The following ZNF626 variants were observed in gnomAD, a reference collection of about 807,000 sequenced individuals.
ZNF626 encodes the protein CTC-513N18.7.
ZNF626 carries 4 observed loss-of-function variants against 11.7 expected under a neutral mutation model. The ratio of observed to expected loss-of-function variants is 0.34; its 90% CI spans 0.17 to 0.78. ZNF626 has a LOEUF of 0.78. ZNF626 is among the 30% of genes least tolerant of loss of function. The pLI is 0.57. For missense variants in ZNF626, 588 were observed against 587.1 expected, an observed-to-expected ratio of 1.00 and a Z score of -0.01; for synonymous variants, 179 against 198.6, an observed-to-expected ratio of 0.90 and a Z score of 0.83.
rs1969790734 is a variant in ZNF626 at position 20,624,188 on chromosome 19, G to T, written c.*102C>A. ...TTGCCACATTCTTCACATCTGTAGG[G>T]TTTTTTTCCAGTATGAATTTTCTTA... is the stretch of plus-strand genomic sequence containing the variant. On this transcript the variant is annotated 3_prime_UTR_variant, in exon 4 of 4. Transcript: ENST00000601440. The T allele has an allele frequency of 1.3e-6, 2 of 1,580,718 alleles. No homozygotes were observed. Among genetic ancestry groups the T allele is most frequent in the Non-Finnish European group, 1.7e-6 (2 of 1,151,306 alleles).
At chr19:20,632,934 TG>T (rs1252010265) in intron 3 of ZNF626, among the ~76,000 whole-genome samples, 2 of 152,194 alleles carry the variant, frequency 1.3e-5, no homozygotes, top group Admixed American at 1.3e-4. Context: ...CTTTGGTCTT[TG>T]ATGATGGTGA....
At chr19:20,654,089 G>A (rs1970178011) in intron 1 of ZNF626, among the ~76,000 whole-genome samples, 1 of 152,168 alleles carries the variant, frequency 6.6e-6, no homozygotes, top group South Asian at 2.1e-4. Flanking sequence ...AAATATCTAA[G>A]TATGAACAAT....
chr19:20,646,512 G>A, intron 1 of ZNF626, 107 bp from the exon 2 acceptor site: 1 of 1,564,018 alleles, frequency 6.4e-7, no homozygotes, highest in Non-Finnish European at 8.6e-7. Flanking sequence ...TGACTTATAG[G>A]ACTGACTAAA....
At chr19:20,658,469 C>T (rs1970229382) in intron 1 of ZNF626, among the ~76,000 whole-genome samples, 1 of 152,114 alleles carries the variant, frequency 6.6e-6, no homozygotes, top group Non-Finnish European at 1.5e-5. Context: ...GGGTGGGAAT[C>T]CTGTGGTGGC....
chr19:20,654,165 G>A (rs941701778), intron 1 of ZNF626, among the ~76,000 whole-genome samples: 2 of 152,162 alleles, frequency 1.3e-5, no homozygotes, highest in Non-Finnish European at 2.9e-5. Context: ...GTTAGGCTGG[G>A]CGCAGTGGCT....
At chr19:20,640,774 G>A (rs556846586) in intron 3 of ZNF626, among the ~76,000 whole-genome samples, 79 of 152,004 alleles carry the variant, frequency 5.2e-4, no homozygotes, top group African/African-American at 1.8e-3. Context: ...AACCTAAGTT[G>A]AATGTTGGTG....
chr19:20,631,877 C>T (rs1969909813), intron 3 of ZNF626, among the ~76,000 whole-genome samples: 1 of 151,714 alleles, frequency 6.6e-6, no homozygotes. Context: ...CAGTTTCTTC[C>T]TAGTCTCAAT....
At chr19:20,644,105 T>C (rs1743503690) in intron 3 of ZNF626, among the ~76,000 whole-genome samples, 1 of 152,208 alleles carries the variant, frequency 6.6e-6, no homozygotes, top group Admixed American at 6.5e-5. Flanking sequence ...TTTACAGCCA[T>C]GTAGGCAGGC....
chr19:20,645,296 G>T, intron 3 of ZNF626: 1 of 1,508,502 alleles, frequency 6.6e-7, no homozygotes, highest in East Asian at 2.4e-5. Context: ...TTTCAGATCT[G>T]ATGCAAAGAG....
rs1356245980 is a variant in ZNF626, at chr19:20,622,206, T to A, written c.*2084A>T. 1.6e-5 allele frequency: 2 copies of A among 121,888 alleles called. No individual in the cohort carries two copies. Among genetic ancestry groups the A allele is most frequent in the Non-Finnish European group, 3.8e-5 (2 of 52,278 alleles). The allele number at this position is 121,888 out of a possible 1,614,324, so 7.6% of individuals were successfully genotyped here. A position where few individuals can be genotyped will look rare whatever the true frequency, so the allele number is the denominator to read the frequency against. On this transcript the variant is annotated 3_prime_UTR_variant, in exon 4 of 4. Coordinates refer to ENST00000601440, the MANE Select transcript of ZNF626 (RefSeq NM_001076675.3). ...ACTCCATCTCAAAAGAAAAGTTAAGTAAGTAAATAAAATATAAGTTAAGTT... is the reference window on the plus strand; with the variant it reads ...ACTCCATCTCAAAAGAAAAGTTAAGAAAGTAAATAAAATATAAGTTAAGTT...
intron 2 of ZNF626, among the ~76,000 whole-genome samples, chr19:20,646,070 A>G (rs181473410): frequency 3.3e-5 from 5 of 152,306 alleles, no homozygotes; most frequent in Admixed American, 6.5e-5. Context: ...TTAGAGTGAA[A>G]AATACAGCTC....
chr19:20,645,233 T>A (rs1970062254), intron 3 of ZNF626: 3 of 1,343,504 alleles, frequency 2.2e-6, no homozygotes. Context: ...CAGAATGGAC[T>A]GTGCAGAAAA....
intron 1 of ZNF626, among the ~76,000 whole-genome samples, chr19:20,646,809 T>C (rs536888652): frequency 6.6e-6 from 1 of 152,308 alleles, no homozygotes; most frequent in African/African-American, 2.4e-5. Context: ...TGCAGGTTTT[T>C]TTTCCCCCAG....
At chr19:20,652,299 G>GAAGAA (rs36071337) in intron 1 of ZNF626, among the ~76,000 whole-genome samples, 4 of 136,804 alleles carry the variant, frequency 2.9e-5, no homozygotes, top group African/African-American at 1.1e-4. Context: ...AAGTCTACAT[G>GAAGAA]AAAAAAAAAA....
chr19:20,643,989 G>T (rs1555771680), intron 3 of ZNF626, among the ~76,000 whole-genome samples: 4 of 152,114 alleles, frequency 2.6e-5, no homozygotes, highest in Non-Finnish European at 5.9e-5. Flanking sequence ...CACCCAACTT[G>T]GTCCCACTGA....
At chr19:20,636,175 C>G (rs1474197033) in intron 3 of ZNF626, among the ~76,000 whole-genome samples, 1 of 152,114 alleles carries the variant, frequency 6.6e-6, no homozygotes, top group African/African-American at 2.4e-5. Flanking sequence ...CCTGTTACAC[C>G]ATACCTACAA....
In ZNF626 at chr19:20,661,451, G is replaced by C. The variant is rs782755531; in HGVS notation, c.-5C>G. 1.2e-6 allele frequency: 2 copies of C among 1,613,702 alleles called. No homozygotes were observed. Among genetic ancestry groups the C allele is most frequent in the South Asian group, 2.2e-5 (2 of 91,032 alleles). The stretch of plus-strand genomic sequence containing the variant: ...TCGGACCCTCACTCTCACCATTTTT[G>C]GCTTCCAGGAGGTCCCGGTGTCTTA... On this transcript the variant is annotated 5_prime_UTR_variant, in exon 1 of 4. Coordinates refer to ENST00000601440, the MANE Select transcript of ZNF626 (RefSeq NM_001076675.3).
At chr19:20,660,618 T>C (rs1457383216) in intron 1 of ZNF626, among the ~76,000 whole-genome samples, 1 of 152,118 alleles carries the variant, frequency 6.6e-6, no homozygotes, top group Non-Finnish European at 1.5e-5. Flanking sequence ...AGAGACGGGT[T>C]TCACCACGTT....
At chr19:20,654,535 C>T (rs190966280) in intron 1 of ZNF626, among the ~76,000 whole-genome samples, 16 of 150,700 alleles carry the variant, frequency 1.1e-4, no homozygotes, top group African/African-American at 1.2e-4. Flanking sequence ...GGTGAAACCC[C>T]GTATCTACTA....
Sources: allele counts gnomAD v4.1 joint callset (sites outside exome capture counted in the v4.1 genomes callset), GRCh38; gene constraint gnomAD v4.1.1; transcripts MANE v1.5; gene names NCBI Gene and HGNC (gene_info 2026-07-23, HGNC 2026-07-21).